ANKHD1: variants seen among roughly 807,000 people sequenced by gnomAD.
ANKHD1 encodes ankyrin repeat and KH domain containing 1, also known as ankyrin repeat and KH domain-containing protein 1.
In ANKHD1, 31 loss-of-function variants were observed where a neutral mutation model predicts 230.5. The ratio of observed to expected loss-of-function variants is 0.13; its 90% CI spans 0.10 to 0.18. ANKHD1 has a LOEUF of 0.18. Ranked by LOEUF, ANKHD1 falls within the 10% of genes least tolerant of loss-of-function variation. The pLI is 1.00. For synonymous variants in ANKHD1, 1,074 were observed against 1,117.6 expected, an observed-to-expected ratio of 0.96 and a Z score of 0.78; for missense variants, 2,256 against 3,071.3, an observed-to-expected ratio of 0.73 and a Z score of 6.27.
Position 140,507,937 on chromosome 5 carries a change from G to A in ANKHD1, c.3704G>A (p.Gly1235Asp), listed in dbSNP as rs1752606111. ...NTALTLACFQ[G>D]RAEVVSLLLD... The stretch of plus-strand genomic sequence containing the variant: ...GCTCTCACCCTGGCCTGTTTCCAGG[G>A]CCGAGCAGAAGTAGTGAGTTTGCTT... Residue 1235 changes from glycine (G) to aspartate (D), a missense_variant, in exon 20 of 34, where the codon GGC becomes GAC. By Grantham distance (94) the Gly-to-Asp change is moderately conservative (BLOSUM62 -1). Transcript: ENST00000360839. This position sits in a 1 kb window ranked among gnomAD's most constrained non-coding sequence, Gnocchi z 4.1. 6.2e-7 allele frequency: 1 copy of A among 1,614,010 alleles called. No homozygotes were observed. Among genetic ancestry groups the A allele is most frequent in the Non-Finnish European group, 8.5e-7 (1 of 1,179,920 alleles).
Position 140,539,770 on chromosome 5 carries a change from G to C in ANKHD1, c.*352G>C, listed in dbSNP as rs567597867. 1 of 179,792 alleles carries C rather than the reference G, an allele frequency of 5.6e-6. No homozygotes were observed. The highest frequency in any genetic ancestry group is 1.5e-4 in the East Asian group (1 of 6,760). The allele number at this position is 179,792 out of a possible 1,614,324, so 11.1% of individuals were successfully genotyped here. Reference sequence around the variant, plus strand: ...AAGGAAAAAGTTGAGTAAATTTCTTGTCATATAGTGGCTCTACGTAATGTA... The same window carrying C: ...AAGGAAAAAGTTGAGTAAATTTCTTCTCATATAGTGGCTCTACGTAATGTA... On this transcript the variant is annotated 3_prime_UTR_variant, in exon 34 of 34. Coordinates refer to ENST00000360839, the MANE Select transcript of ANKHD1 (RefSeq NM_017747.3).
At chr5:140,407,953 G>A (rs1770609737) in intron 1 of ANKHD1, among the ~76,000 whole-genome samples, 1 of 152,150 alleles carries the variant, frequency 6.6e-6, no homozygotes, top group Non-Finnish European at 1.5e-5. Context: ...AAAGCGGATG[G>A]ATCATCTGAG....
At chr5:140,529,917 T>C (rs1352333175) in intron 29 of ANKHD1, 121 bp downstream of exon 29, 16 of 1,402,604 alleles carry the variant, frequency 1.1e-5, no homozygotes, top group Non-Finnish European at 1.5e-5. Flanking sequence ...CTTTAGATTC[T>C]CTCTATGATT....
At chr5:140,410,409 T>C (rs1770833672) in intron 1 of ANKHD1, among the ~76,000 whole-genome samples, 1 of 152,180 alleles carries the variant, frequency 6.6e-6, no homozygotes, top group African/African-American at 2.4e-5. Context: ...CTAGATGAAT[T>C]CAAAATCAGT....
rs1472231237 is a variant in ANKHD1, at chr5:140,506,734, T to A, written c.3409-101T>A. The A allele has an allele frequency of 2.7e-6, 4 of 1,503,856 alleles. No individual in the cohort carries two copies. The Admixed American group carries it at 6.9e-5, about 26-fold the overall frequency. The allele number at this position is 1,503,856 out of a possible 1,614,324, so 93.2% of individuals were successfully genotyped here. The stretch of plus-strand genomic sequence containing the variant: ...TGAAATGTAATTAAAATATCAGATA[T>A]TTAGATAAGGAAGTTATAAGTCCTG... On this transcript the variant is annotated intron_variant, in intron 18 of 33. Transcript: ENST00000360839. The surrounding 1 kb of genome is among the most constrained non-coding windows in gnomAD (Gnocchi z 4.7).
At chr5:140,443,400 CA>C (rs1434428380) in intron 5 of ANKHD1, among the ~76,000 whole-genome samples, 2 of 150,678 alleles carry the variant, frequency 1.3e-5, no homozygotes, top group South Asian at 2.1e-4. Context: ...GAAAAATACC[CA>C]AAAAAAAGGC....
intron 5 of ANKHD1, among the ~76,000 whole-genome samples, chr5:140,444,996 A>C (rs560884207): frequency 1.9e-4 from 29 of 152,088 alleles, no homozygotes; most frequent in African/African-American, 7.0e-4. Context: ...CAGGGACTAC[A>C]GGGGTATGCC....
chr5:140,441,204 A>G lies in ANKHD1; in HGVS notation c.913+62A>G. On this transcript the variant is annotated intron_variant, in intron 5 of 33. Coordinates refer to ENST00000360839, the MANE Select transcript of ANKHD1 (RefSeq NM_017747.3). Reference sequence around the variant, plus strand: ...TTGACATAATTATTACCTGAGAGAGAGAAAAATTAGATTTCTGAGGAAAAC... The same window carrying G: ...TTGACATAATTATTACCTGAGAGAGGGAAAAATTAGATTTCTGAGGAAAAC... The G allele has an allele frequency of 2.1e-6, 3 of 1,416,542 alleles. No individual in the cohort carries two copies. The South Asian group carries it at 5.0e-5, about 24-fold the overall frequency. 87.7% of individuals were successfully genotyped at this position (1,416,542 alleles called of 1,614,324 possible). A position where few individuals can be genotyped will look rare whatever the true frequency, so the allele number is the denominator to read the frequency against.
At chr5:140,476,413 G>A (rs1750971176) in intron 10 of ANKHD1, among the ~76,000 whole-genome samples, 1 of 152,030 alleles carries the variant, frequency 6.6e-6, no homozygotes, top group Admixed American at 6.6e-5. Context: ...AGATGAAACT[G>A]TGGAACTTTA....
In ANKHD1 at chr5:140,529,176, C is replaced by T. The variant is rs1581378727; in HGVS notation, c.6230C>T (p.Thr2077Ile). Residue 2077 changes from threonine (T) to isoleucine (I), a missense_variant, in exon 29 of 34, where the codon ACA becomes ATA. Around this residue, in one of 13 missense-constraint regions of ANKHD1, gnomAD observed 778 missense variants for 966.5 expected, o/e 0.80. Coordinates refer to ENST00000360839, the MANE Select transcript of ANKHD1 (RefSeq NM_017747.3). ...AGTCCCACTCCTACTTCCAGTAACA[C>T]ACAAGAGGAGGCACAGCCATCCAGT... ...SSSPTPTSSN[T>I]QEEAQPSSVS... 1 of 1,614,244 alleles carries T rather than the reference C, an allele frequency of 6.2e-7. No individual in the cohort carries two copies. The highest frequency in any genetic ancestry group is 1.1e-5 in the South Asian group (1 of 91,090).
Position 140,440,191 on chromosome 5 carries a change from T to C in ANKHD1, c.690T>C (p.Ser230=). 6.2e-7 allele frequency: 1 copy of C among 1,613,436 alleles called. No individual in the cohort carries two copies. The highest frequency in any genetic ancestry group is 8.5e-7 in the Non-Finnish European group (1 of 1,179,626). Residue 230 remains serine, a synonymous_variant, in exon 4 of 34, where the codon AGT becomes AGC. Transcript: ENST00000360839. ...GTAAATTGCTAGATGAAGGCAGAAG[T>C]GTAAATGAACATACAGAAGAAGGAG... is the stretch of plus-strand genomic sequence containing the variant. ...AVRKLLDEGR[S]VNEHTEEGES... is the part of the protein sequence containing the mutation.
intron 5 of ANKHD1, among the ~76,000 whole-genome samples, chr5:140,445,309 C>A (rs1414085855): frequency 6.6e-6 from 1 of 151,934 alleles, no homozygotes; most frequent in Non-Finnish European, 1.5e-5. Flanking sequence ...AGTTTGAGAC[C>A]AGCCTGCCAA....
At chr5:140,466,672 G>C (rs766544659) in intron 10 of ANKHD1, among the ~76,000 whole-genome samples, 1 of 152,124 alleles carries the variant, frequency 6.6e-6, no homozygotes, top group East Asian at 1.9e-4. Context: ...TAGGCCAGGC[G>C]CAGTGGCTCA....
rs572384616 is a variant in ANKHD1 at position 140,459,546 on chromosome 5, T to A, written c.1672+191T>A. 2.8e-3 allele frequency among the ~76,000 whole-genome samples: 431 copies of A among 152,222 alleles called. 1 individual carries two copies. Among genetic ancestry groups the A allele is most frequent in the South Asian group, 0.022 (104 of 4,824 alleles). On this transcript the variant is annotated intron_variant, in intron 9 of 33. Coordinates refer to ENST00000360839, the MANE Select transcript of ANKHD1 (RefSeq NM_017747.3). Reference sequence around the variant, plus strand: ...CAAAGGGTACAAAGTTTCACTTAGATAGGTGGAATAAGTTTTAATGATATA... The same window carrying A: ...CAAAGGGTACAAAGTTTCACTTAGAAAGGTGGAATAAGTTTTAATGATATA...
chr5:140,444,707 CTTGAT>C (rs1375180907), intron 5 of ANKHD1, among the ~76,000 whole-genome samples: 1 of 152,144 alleles, frequency 6.6e-6, no homozygotes, highest in African/African-American at 2.4e-5. Context: ...ATAAAATTCA[CTTGAT>C]TTAAGTATAC....
intron 10 of ANKHD1, among the ~76,000 whole-genome samples, chr5:140,479,734 A>ATATACT (rs1751169561): frequency 5.5e-5 from 1 of 18,090 alleles, no homozygotes; most frequent in African/African-American, 1.3e-4. Flanking sequence ...ATACATAGGT[A>ATATACT]TATATATATA....
intron 1 of ANKHD1, among the ~76,000 whole-genome samples, chr5:140,407,587 A>G (rs1282873783): frequency 6.6e-6 from 1 of 151,906 alleles, no homozygotes; most frequent in Non-Finnish European, 1.5e-5. Context: ...TAAAAAAAAA[A>G]AAATGTTGCC....
intron 11 of ANKHD1, among the ~76,000 whole-genome samples, chr5:140,484,122 T>C (rs1751405032): frequency 6.6e-6 from 1 of 152,236 alleles, no homozygotes; most frequent in Non-Finnish European, 1.5e-5. Context: ...TCCCAAAAGG[T>C]ACTTTTATGC....
chr5:140,496,966 C>G lies in ANKHD1; in HGVS notation c.2692C>G (p.Gln898Glu). 6.2e-7 allele frequency: 1 copy of G among 1,614,168 alleles called. No homozygotes were observed. The highest frequency in any genetic ancestry group is 8.5e-7 in the Non-Finnish European group (1 of 1,180,022). The change falls in exon 15 of 34, where the codon CAG becomes GAG. Residue 898 changes from glutamine (Q) to glutamate (E), a missense_variant. Gln to Glu is a conservative substitution (Grantham distance 29). Around this residue, in one of 13 missense-constraint regions of ANKHD1, gnomAD observed 358 missense variants for 397.7 expected, o/e 0.90. Coordinates refer to ENST00000360839, the MANE Select transcript of ANKHD1 (RefSeq NM_017747.3). ...AGAGGATCACTTTTCAGAGTTACCT[C>G]AGGTTGACACAATCTTATTTAAAGA... is the stretch of plus-strand genomic sequence containing the variant. ...LPEDHFSELP[Q>E]VDTILFKDND...
Sources: allele counts gnomAD v4.1 joint callset (sites outside exome capture counted in the v4.1 genomes callset), GRCh38; gene constraint gnomAD v4.1.1; regional missense constraint gnomAD v4.1.1; non-coding constraint Gnocchi (gnomAD v3.1); transcripts MANE v1.5; gene names NCBI Gene and HGNC (gene_info 2026-07-23, HGNC 2026-07-21).